The following ANO10 variants were observed in gnomAD, a reference collection of about 807,000 sequenced individuals.
ANO10 encodes the protein anoctamin 10.
ANO10 carries 77 observed loss-of-function variants against 74.7 expected under a neutral mutation model. The observed-to-expected ratio is 1.03, with a 90% CI of 0.86 to 1.25. The LOEUF is 1.25. Ranked by LOEUF, ANO10 falls within the 50% of genes most tolerant of loss-of-function variation. The pLI is 0.00. For missense variants in ANO10, 721 were observed against 778.1 expected (o/e 0.93, Z 0.87); for synonymous variants, 279 against 284.9 (o/e 0.98, Z 0.21).
intron 1 of ANO10, chr3:43,691,231 T>C: frequency 2.1e-6 from 1 of 471,044 alleles, no homozygotes; most frequent in Non-Finnish European, 3.4e-6. Flanking sequence ...TGGGAGAGGC[T>C]CCCCTCAGCG....
chr3:43,619,508 T>C (rs1309288654), intron 1 of ANO10, among the ~76,000 whole-genome samples: 1 of 152,142 alleles, frequency 6.6e-6, no homozygotes, highest in African/African-American at 2.4e-5. Flanking sequence ...TTTTTGCAAC[T>C]TTTTGTAAAT....
chr3:43,672,082 A>G (rs2149577783), intron 1 of ANO10, among the ~76,000 whole-genome samples: 1 of 152,318 alleles, frequency 6.6e-6, no homozygotes, highest in Non-Finnish European at 1.5e-5. Flanking sequence ...CTGTTGCATG[A>G]CTGCTGGGAA....
intron 1 of ANO10, among the ~76,000 whole-genome samples, chr3:43,665,624 C>T (rs2149574967): frequency 6.6e-6 from 1 of 152,278 alleles, no homozygotes; most frequent in South Asian, 2.1e-4. Flanking sequence ...CTCTTGCCTT[C>T]CTTTTCATTT....
chr3:43,368,256 AC>A (rs1253721814), intron 12 of ANO10, among the ~76,000 whole-genome samples: 1 of 152,180 alleles, frequency 6.6e-6, no homozygotes, highest in Non-Finnish European at 1.5e-5. Flanking sequence ...AAAGGGGGCT[AC>A]GGAGAGTCAA....
chr3:43,666,307 G>C (rs1286105840), intron 1 of ANO10, among the ~76,000 whole-genome samples: 2 of 152,124 alleles, frequency 1.3e-5, no homozygotes, highest in African/African-American at 4.8e-5. Flanking sequence ...AAGAGATTAA[G>C]AATTACAGTT....
chr3:43,498,384 G>C (rs921684445), intron 11 of ANO10, among the ~76,000 whole-genome samples: 2 of 152,200 alleles, frequency 1.3e-5, no homozygotes, highest in African/African-American at 4.8e-5. Flanking sequence ...CTGATTGAGG[G>C]AAGAACTGTG....
chr3:43,432,484 G>T, intron 12 of ANO10, 127 bp downstream of exon 12: 3 of 788,816 alleles, frequency 3.8e-6, no homozygotes, highest in Non-Finnish European at 6.5e-6. Flanking sequence ...TCCTGAACTG[G>T]AGTCCTCTGT....
At chr3:43,558,190 C>A (rs969228578) in intron 9 of ANO10, among the ~76,000 whole-genome samples, 1 of 151,586 alleles carries the variant, frequency 6.6e-6, no homozygotes, top group East Asian at 1.9e-4. Flanking sequence ...ACATAAATGT[C>A]TTTTGAAAAA....
chr3:43,428,965 G>C (rs1448942491), intron 12 of ANO10, among the ~76,000 whole-genome samples: 3 of 151,966 alleles, frequency 2.0e-5, no homozygotes, highest in African/African-American at 7.2e-5. Context: ...TACTCAACTT[G>C]TATGAGAGAG....
At chr3:43,428,502 T>C (rs533083968) in intron 12 of ANO10, among the ~76,000 whole-genome samples, 6 of 152,190 alleles carry the variant, frequency 3.9e-5, no homozygotes, top group African/African-American at 1.2e-4. Flanking sequence ...TCAGAGACAT[T>C]AGAGCTGCAC....
intron 1 of ANO10, chr3:43,637,884 T>C (rs543410515): frequency 6.6e-6 from 1 of 152,374 alleles, no homozygotes; most frequent in Non-Finnish European, 1.5e-5. Context: ...TTACTACCTG[T>C]TCTGAATACA....
chr3:43,680,640 C>T (rs1413552814), intron 1 of ANO10, among the ~76,000 whole-genome samples: 1 of 152,062 alleles, frequency 6.6e-6, no homozygotes, highest in Admixed American at 6.5e-5. Context: ...TCACATTCAC[C>T]AAAGTCGAAA....
intron 11 of ANO10, among the ~76,000 whole-genome samples, chr3:43,488,048 G>A (rs946768707): frequency 6.6e-6 from 1 of 152,122 alleles, no homozygotes; most frequent in Admixed American, 6.6e-5. Context: ...TGAAAAACCT[G>A]ACAAAAACAA....
At chr3:43,419,225 C>T (rs2092785547) in intron 12 of ANO10, among the ~76,000 whole-genome samples, 1 of 152,184 alleles carries the variant, frequency 6.6e-6, no homozygotes, top group South Asian at 2.1e-4. Context: ...ATGACCTGGC[C>T]TCAGAAGAAA....
intron 1 of ANO10, among the ~76,000 whole-genome samples, chr3:43,607,821 T>C (rs1449987416): frequency 1.3e-5 from 2 of 152,164 alleles, no homozygotes; most frequent in South Asian, 2.1e-4. Flanking sequence ...TTATTTTTAA[T>C]GGAAATTCTA....
At chr3:43,619,293 A>G (rs2083271061) in intron 1 of ANO10, among the ~76,000 whole-genome samples, 1 of 152,226 alleles carries the variant, frequency 6.6e-6, no homozygotes, top group South Asian at 2.1e-4. Context: ...GAGGCTAAGG[A>G]CATATGACGA....
chr3:43,608,408 G>C (rs112991581), intron 1 of ANO10, among the ~76,000 whole-genome samples: 3 of 152,096 alleles, frequency 2.0e-5, no homozygotes, highest in African/African-American at 7.2e-5. Flanking sequence ...TACAGTAGTA[G>C]CATGTGCCAC....
At position 43,580,376 on chromosome 3, in the gene ANO10, AACCGAGTGT is replaced by A; in HGVS notation, c.560_568del (p.Tyr187_Arg189del). On this transcript the variant is annotated inframe_deletion, in exon 5 of 13. Coordinates refer to ENST00000292246, the MANE Select transcript of ANO10 (RefSeq NM_018075.5). Reference sequence around the variant, plus strand: ...ACCTATGGGCTGATACTTCAAAGCAAACCGAGTGTACCAGGTGTCCTCAAGCTTCTTCAG... The same window carrying A: ...ACCTATGGGCTGATACTTCAAAGCAAACCAGGTGTCCTCAAGCTTCTTCAG... 1 of 1,614,048 alleles carries A rather than the reference AACCGAGTGT, an allele frequency of 6.2e-7. No homozygotes were observed.
intron 1 of ANO10, among the ~76,000 whole-genome samples, chr3:43,610,443 A>G (rs1205104663): frequency 6.6e-6 from 1 of 152,212 alleles, no homozygotes; most frequent in Non-Finnish European, 1.5e-5. Context: ...TGGGTTCATT[A>G]CCATTGTCAG....
Sources: allele counts gnomAD v4.1 joint callset (sites outside exome capture counted in the v4.1 genomes callset), GRCh38; gene constraint gnomAD v4.1.1; transcripts MANE v1.5; gene names NCBI Gene and HGNC (gene_info 2026-07-23, HGNC 2026-07-21).